The following CKAP5 variants were observed in gnomAD, a reference collection of about 807,000 sequenced individuals.
The protein encoded by CKAP5 is cytoskeleton associated protein 5.
In CKAP5, 27 loss-of-function variants were observed where a neutral mutation model predicts 232.8. The observed-to-expected ratio is 0.12, with a 90% CI of 0.09 to 0.16. The LOEUF is 0.16. Ranked by LOEUF, CKAP5 falls within the 10% of genes least tolerant of loss-of-function variation. CKAP5 has a pLI of 1.00. For synonymous variants in CKAP5, 785 were observed against 841.1 expected (o/e 0.93, Z 1.16); for missense variants, 1,838 against 2,424.7 (o/e 0.76, Z 5.08).
At position 46,764,580 on chromosome 11, in the gene CKAP5, A is replaced by T. The variant is rs61884329; in HGVS notation, c.3537+551T>A. 5.3e-5 allele frequency among the ~76,000 whole-genome samples: 8 copies of T among 152,336 alleles called. No individual in the cohort carries two copies. In the East Asian group the frequency reaches 1.5e-3, roughly 29 times the overall value. On this transcript the variant is annotated intron_variant, in intron 28 of 43. Coordinates refer to ENST00000529230, the MANE Select transcript of CKAP5 (RefSeq NM_001008938.4). ...AAAGGAGGGCTATATAAAAATATACATATGATAGTAGAGGTATAAAATATT... is the reference window on the plus strand; with the variant it reads ...AAAGGAGGGCTATATAAAAATATACTTATGATAGTAGAGGTATAAAATATT...
At position 46,811,023 on chromosome 11, in the gene CKAP5, T is replaced by C; in HGVS notation, c.614A>G (p.Asn205Ser). Residue 205 changes from asparagine (N) to serine (S), a missense_variant, in exon 5 of 44, where the codon AAT becomes AGT. By Grantham distance (46) the Asn-to-Ser change is conservative (BLOSUM62 1). Around this residue, in one of 6 missense-constraint regions of CKAP5, gnomAD observed 285 missense variants for 300.0 expected, o/e 0.95. Transcript: ENST00000529230. Reference protein sequence around the residue: ...IRDALRPPLQNINSVQLKELE... With the variant: ...IRDALRPPLQSINSVQLKELE... ...TTGTCTCACCTGAACAGAGTTTATA[T>C]TTTGTAATGGGGGTCTCAGAGCATC... 6.2e-7 allele frequency: 1 copy of C among 1,612,348 alleles called. No homozygotes were observed. The highest frequency in any genetic ancestry group is 8.5e-7 in the Non-Finnish European group (1 of 1,179,494).
intron 7 of CKAP5, among the ~76,000 whole-genome samples, 196 bp downstream of exon 7, chr11:46,809,204 G>A (rs1939221497): frequency 6.6e-6 from 1 of 152,152 alleles, no homozygotes; most frequent in Non-Finnish European, 1.5e-5. Flanking sequence ...GGCAAGACAT[G>A]TTTTAAAAAA....
chr11:46,761,856 TG>T, intron 32 of CKAP5, 143 bp downstream of exon 32: 1 of 595,044 alleles, frequency 1.7e-6, no homozygotes, highest in Non-Finnish European at 2.9e-6. Flanking sequence ...AGGGTCTATC[TG>T]GATTCTAGGA....
In CKAP5 at chr11:46,744,554, T is replaced by G. The variant is rs1212535956; in HGVS notation, c.5728A>C (p.Thr1910Pro). Residue 1910 changes from threonine (T) to proline (P), a missense_variant, in exon 43 of 44, where the codon ACA (threonine) becomes CCA (proline). By Grantham distance (38) the Thr-to-Pro change is conservative. This residue lies in a region of CKAP5 where 579 missense variants were observed against 843.2 expected (regional missense o/e 0.69). Transcript: ENST00000529230. Reference sequence around the variant, plus strand: ...GTGCTTGTGGGCGTGGGCACACATGTGACTTCCATCTGAGGGGAGATGCCT... The same window carrying G: ...GTGCTTGTGGGCGTGGGCACACATGGGACTTCCATCTGAGGGGAGATGCCT... ...STGISPQMEV[T>P]CVPTPTSTVS... 4 of 1,613,986 alleles carry G rather than the reference T, an allele frequency of 2.5e-6. No individual in the cohort carries two copies. The highest frequency in any genetic ancestry group is 3.4e-6 in the Non-Finnish European group (4 of 1,179,976).
chr11:46,754,398 G>A (rs188826600), intron 36 of CKAP5, among the ~76,000 whole-genome samples: 26 of 152,268 alleles, frequency 1.7e-4, no homozygotes, highest in Non-Finnish European at 2.9e-4. Flanking sequence ...CCCAGTTTAA[G>A]AAAGAATATT....
chr11:46,802,262 TAA>T (rs1051037317), intron 8 of CKAP5: 1 of 152,276 alleles, frequency 6.6e-6, no homozygotes, highest in African/African-American at 2.4e-5. Context: ...AGCACTTATC[TAA>T]ACTCACGGGT....
intron 1 of CKAP5, among the ~76,000 whole-genome samples, chr11:46,842,725 T>C (rs552970456): frequency 6.6e-6 from 1 of 152,206 alleles, no homozygotes; most frequent in East Asian, 1.9e-4. Flanking sequence ...CCCAGCACTT[T>C]GGGAGGCCGA....
At chr11:46,808,472 C>T (rs986273431) in intron 7 of CKAP5, among the ~76,000 whole-genome samples, 2 of 152,066 alleles carry the variant, frequency 1.3e-5, no homozygotes. Flanking sequence ...ACCCGGGAGG[C>T]GGAGCTTGCA....
chr11:46,816,712 T>C (rs1039506502), intron 3 of CKAP5, among the ~76,000 whole-genome samples: 1 of 152,052 alleles, frequency 6.6e-6, no homozygotes, highest in Non-Finnish European at 1.5e-5. Context: ...CTTCCAGACC[T>C]TTCTCTAAGT....
At chr11:46,830,206 C>A (rs2134706447) in intron 1 of CKAP5, among the ~76,000 whole-genome samples, 1 of 152,002 alleles carries the variant, frequency 6.6e-6, no homozygotes, top group South Asian at 2.1e-4. Flanking sequence ...CTTTGGGAGT[C>A]CAAGGCAGGC....
Position 46,753,354 on chromosome 11 carries a change from C to G in CKAP5, c.5013G>C (p.Leu1671Phe). 1 of 1,613,636 alleles carries G rather than the reference C, an allele frequency of 6.2e-7. No homozygotes were observed. Among genetic ancestry groups the G allele is most frequent in the Non-Finnish European group, 8.5e-7 (1 of 1,179,842 alleles). Reference sequence around the variant, plus strand: ...CTGACTTCTCCAGAACCTTCACCACCAAGAGGTTCACAGAGCGGATGACCT... The same window carrying G: ...CTGACTTCTCCAGAACCTTCACCACGAAGAGGTTCACAGAGCGGATGACCT... ...GQQVIRSVNL[L>F]VVKVLEKSDQ... The change falls in exon 37 of 44, where the codon TTG (leucine) becomes TTC (phenylalanine). Residue 1671 changes from leucine to phenylalanine, a missense_variant. Leu to Phe is a conservative substitution (Grantham distance 22, BLOSUM62 0). Coordinates refer to ENST00000529230, the MANE Select transcript of CKAP5 (RefSeq NM_001008938.4).
At chr11:46,835,046 C>T (rs942190971) in intron 1 of CKAP5, among the ~76,000 whole-genome samples, 2 of 151,302 alleles carry the variant, frequency 1.3e-5, no homozygotes, top group Non-Finnish European at 2.9e-5. Flanking sequence ...GCTTTCGTTT[C>T]GCGACCTTTG....
intron 1 of CKAP5, among the ~76,000 whole-genome samples, chr11:46,837,543 A>T (rs1048771363): frequency 1.3e-5 from 2 of 152,330 alleles, no homozygotes; most frequent in African/African-American, 4.8e-5. Context: ...TTCTAATAGC[A>T]TTCTCCAATA....
chr11:46,747,836 G>C (rs951796452), intron 42 of CKAP5, among the ~76,000 whole-genome samples: 11 of 152,104 alleles, frequency 7.2e-5, no homozygotes, highest in Non-Finnish European at 1.5e-5. Flanking sequence ...GATGTGGGTG[G>C]ATCACTTGAG....
At chr11:46,817,433 A>C (rs1250835911) in intron 3 of CKAP5, among the ~76,000 whole-genome samples, 1 of 152,198 alleles carries the variant, frequency 6.6e-6, no homozygotes, top group Non-Finnish European at 1.5e-5. Context: ...CTCTAAATGA[A>C]ATGAAACCTA....
chr11:46,789,340 A>G (rs2065425852), intron 15 of CKAP5, among the ~76,000 whole-genome samples: 1 of 152,188 alleles, frequency 6.6e-6, no homozygotes, highest in Admixed American at 6.5e-5. Context: ...CTCCTTTACA[A>G]CACAGGTTTT....
chr11:46,752,505 AAT>A (rs1406897414), intron 38 of CKAP5, 128 bp downstream of exon 38: 2 of 590,666 alleles, frequency 3.4e-6, no homozygotes, highest in Admixed American at 3.6e-5. Flanking sequence ...TATTACGAAA[AAT>A]ATATTTTCAG....
chr11:46,806,580 G>A (rs535330997), intron 8 of CKAP5, among the ~76,000 whole-genome samples: 2 of 152,158 alleles, frequency 1.3e-5, no homozygotes, highest in East Asian at 1.9e-4. Flanking sequence ...TATTTTACAC[G>A]AGTGTAACTC....
Position 46,790,521 on chromosome 11 carries a change from G to C in CKAP5, c.1713C>G (p.Thr571=). The C allele has an allele frequency of 6.2e-7, 1 of 1,613,986 alleles. No homozygotes were observed. Among genetic ancestry groups the C allele is most frequent in the Non-Finnish European group, 8.5e-7 (1 of 1,179,950 alleles). Residue 571 remains threonine, a synonymous_variant, in exon 14 of 44, where the codon ACC becomes ACG. Coordinates refer to ENST00000529230, the MANE Select transcript of CKAP5 (RefSeq NM_001008938.4). ...AAPGGAGNTG[T]KNKKGLETKE... is the part of the protein sequence containing the mutation. Reference sequence around the variant, plus strand: ...TAGTCTCCAGTCCTTTCTTGTTCTTGGTTCCAGTATTCCCTGCGCCTCCTG... The same window carrying C: ...TAGTCTCCAGTCCTTTCTTGTTCTTCGTTCCAGTATTCCCTGCGCCTCCTG...
Sources: gnomAD v4.1 joint callset for allele counts (sites outside exome capture counted in the v4.1 genomes callset) on GRCh38, gnomAD v4.1.1 for gene constraint, gnomAD v4.1.1 regional missense constraint, MANE v1.5 for transcripts, NCBI Gene and HGNC (gene_info 2026-07-23, HGNC 2026-07-21) for gene names.